RARB: variants seen among roughly 807,000 people sequenced by gnomAD.
RARB encodes HBV-activated protein.
RARB carries 17 observed loss-of-function variants against 51.9 expected under a neutral mutation model. The observed-to-expected ratio is 0.33, with a 90% CI of 0.22 to 0.49. The LOEUF (loss-of-function observed/expected upper bound fraction) is 0.49, where lower values mean the gene tolerates loss of function less well. RARB is among the 20% of genes least tolerant of loss of function. The pLI, the probability that RARB is intolerant of heterozygous loss-of-function variation, is 0.99. For synonymous variants in RARB, 215 were observed against 195.4 expected (o/e 1.10, Z -0.84); for missense variants, 369 against 550.8 (o/e 0.67, Z 3.30).
chr3:25,434,432 C>G (rs981863432), intron 1 of RARB, among the ~76,000 whole-genome samples: 8 of 152,128 alleles, frequency 5.3e-5, no homozygotes, highest in African/African-American at 1.9e-4. Flanking sequence ...GTCTATCCAG[C>G]GATCACCAAA....
chr3:25,137,420 A>G (rs1188417496), intron 4 of RARB, among the ~76,000 whole-genome samples: 1 of 152,096 alleles, frequency 6.6e-6, no homozygotes, highest in Non-Finnish European at 1.5e-5. Flanking sequence ...GAAATTCAGG[A>G]CTACTGGGTC....
chr3:25,036,184 G>A (rs180748773), intron 2 of RARB, among the ~76,000 whole-genome samples: 35 of 152,170 alleles, frequency 2.3e-4, no homozygotes, highest in Admixed American at 2.0e-3. Context: ...ATAAGGGAAC[G>A]AATACCAAAG....
rs200096989 is a variant in RARB, at chr3:25,047,423, T to TA, written c.-379-12694dup. On this transcript the variant is annotated intron_variant, in intron 2 of 11. Transcript: ENST00000383772. Reference sequence around the variant, plus strand: ...CATAAGGAAAAGCTGGGGGATTCATTAAAAAAAATGTTTATGTAAAAGAAA... The same window carrying TA: ...CATAAGGAAAAGCTGGGGGATTCATTAAAAAAAAATGTTTATGTAAAAGAAA... Among the ~76,000 whole-genome samples the TA allele has an allele frequency of 6.4e-4, 97 of 151,926 alleles. 1 individual carries two copies. In the East Asian group the frequency reaches 0.014, roughly 22 times the overall value.
intron 5 of RARB, among the ~76,000 whole-genome samples, chr3:25,244,385 T>A (rs570024641): frequency 6.6e-6 from 1 of 152,198 alleles, no homozygotes; most frequent in South Asian, 2.1e-4. Flanking sequence ...GCTTCCCTAG[T>A]TCTTTTAATT....
At chr3:25,427,339 G>T (rs1426017731), upstream of RARB, among the ~76,000 whole-genome samples, 1 of 152,168 alleles carries the variant, frequency 6.6e-6, no homozygotes, top group African/African-American at 2.4e-5. Flanking sequence ...TGTCCTCCCA[G>T]TTAACACTGA....
intron 3 of RARB, among the ~76,000 whole-genome samples, chr3:25,533,695 A>G (rs1387199327): frequency 2.0e-5 from 3 of 152,220 alleles, no homozygotes; most frequent in African/African-American, 7.2e-5. Context: ...TAGAGGGAGC[A>G]AAAAGAACCC....
intron 2 of RARB, among the ~76,000 whole-genome samples, chr3:24,964,849 G>C (rs909455647): frequency 1.3e-5 from 2 of 152,170 alleles, no homozygotes; most frequent in Admixed American, 6.5e-5. Context: ...TTATCTAATA[G>C]CAGGGCTATT....
rs1356154412 is a variant in RARB at position 25,333,073 on chromosome 3, A to T, written c.179-128120A>T. On this transcript the variant is annotated intron_variant, in intron 5 of 11. Coordinates refer to the RARB transcript ENST00000383772. ...CACTCCATGCTCATGGATAGGAAGA[A>T]TCAATATCATGAAAATGGCCATAGT... 2.6e-5 allele frequency among the ~76,000 whole-genome samples: 4 copies of T among 152,390 alleles called. No homozygotes were observed. In the East Asian group the frequency reaches 7.7e-4, roughly 29 times the overall value.
chr3:24,920,274 T>C (rs1262352465), intron 2 of RARB, among the ~76,000 whole-genome samples: 1 of 152,166 alleles, frequency 6.6e-6, no homozygotes, highest in Non-Finnish European at 1.5e-5. Context: ...CCAATGGAAA[T>C]CGTGTTAATC....
At chr3:25,408,718 A>G (rs765066812) in intron 5 of RARB, among the ~76,000 whole-genome samples, 2 of 152,114 alleles carry the variant, frequency 1.3e-5, no homozygotes, top group Non-Finnish European at 2.9e-5. Flanking sequence ...AACAGTGTAT[A>G]TGCCACCATG....
At chr3:24,981,144 C>A (rs928504523) in intron 2 of RARB, among the ~76,000 whole-genome samples, 1 of 152,196 alleles carries the variant, frequency 6.6e-6, no homozygotes, top group Non-Finnish European at 1.5e-5. Context: ...ATGGAAGCTT[C>A]GTCCCAGAGA....
At chr3:25,162,956 T>G (rs2125347397) in intron 4 of RARB, among the ~76,000 whole-genome samples, 1 of 152,348 alleles carries the variant, frequency 6.6e-6, no homozygotes, top group Non-Finnish European at 1.5e-5. Context: ...AATTACTGGG[T>G]TATATGGTAG....
intron 5 of RARB, among the ~76,000 whole-genome samples, chr3:25,208,475 A>G (rs1187851105): frequency 1.3e-5 from 2 of 152,056 alleles, no homozygotes; most frequent in Non-Finnish European, 2.9e-5. Flanking sequence ...TCTTTGCTAT[A>G]TTTAAACATT....
intron 2 of RARB, among the ~76,000 whole-genome samples, chr3:25,476,100 T>C (rs1243784483): frequency 6.6e-6 from 1 of 152,154 alleles, no homozygotes; most frequent in Non-Finnish European, 1.5e-5. Context: ...ACTGGTATCT[T>C]TCTACTGAAT....
At chr3:25,108,839 C>T (rs1699553654) in intron 3 of RARB, among the ~76,000 whole-genome samples, 1 of 152,248 alleles carries the variant, frequency 6.6e-6, no homozygotes, top group South Asian at 2.1e-4. Flanking sequence ...AAAACTATCA[C>T]TTGAAAATTA....
At chr3:24,925,495 T>C (rs919564274) in intron 2 of RARB, among the ~76,000 whole-genome samples, 5 of 151,724 alleles carry the variant, frequency 3.3e-5, no homozygotes, top group East Asian at 3.9e-4. Context: ...ATACAAAATT[T>C]AGCTGGGCAT....
intron 2 of RARB, among the ~76,000 whole-genome samples, chr3:24,893,649 C>T (rs982976116): frequency 1.3e-5 from 2 of 151,994 alleles, no homozygotes; most frequent in African/African-American, 4.8e-5. Flanking sequence ...TCCTGAGTAG[C>T]TAGAAGTACA....
chr3:25,334,516 C>T lies in RARB; in HGVS notation c.179-126677C>T, dbSNP rs912545091. 4.5e-4 allele frequency among the ~76,000 whole-genome samples: 69 copies of T among 151,980 alleles called. 1 individual carries two copies. Among genetic ancestry groups the T allele is most frequent in the Non-Finnish European group, 1.9e-4 (13 of 68,018 alleles). ...GACACAGAATGGGGAACATCACACACTGGGGCCTGTTGTGGGGTGGAGGGA... is the reference window on the plus strand; with the variant it reads ...GACACAGAATGGGGAACATCACACATTGGGGCCTGTTGTGGGGTGGAGGGA... On this transcript the variant is annotated intron_variant, in intron 5 of 11. Coordinates refer to the RARB transcript ENST00000383772.
At chr3:25,336,503 G>C (rs1192256610) in intron 5 of RARB, among the ~76,000 whole-genome samples, 2 of 152,104 alleles carry the variant, frequency 1.3e-5, no homozygotes, top group African/African-American at 2.4e-5. Flanking sequence ...CCTCTTGTGG[G>C]CAAAAATCAA....
Sources: allele counts gnomAD v4.1 joint callset (sites outside exome capture counted in the v4.1 genomes callset), GRCh38; gene constraint gnomAD v4.1.1; transcripts MANE v1.5; gene names NCBI Gene and HGNC (gene_info 2026-07-23, HGNC 2026-07-21).